PCDHA5: variants seen among roughly 807,000 people sequenced by gnomAD.
The protein encoded by PCDHA5 is protocadherin alpha-5.
PCDHA5 carries 43 observed loss-of-function variants against 61.6 expected under a neutral mutation model. That is an observed-to-expected ratio of 0.70 (90% CI 0.55 to 0.90). The LOEUF is 0.90. Among genes scored for constraint, PCDHA5 ranks in the 40% least tolerant of loss-of-function variants. The pLI, the probability that PCDHA5 is intolerant of heterozygous loss-of-function variation, is 0.00. For missense variants in PCDHA5, 1,298 were observed against 1,222.7 expected, an observed-to-expected ratio of 1.06 and a Z score of -0.92; for synonymous variants, 627 against 543.9, an observed-to-expected ratio of 1.15 and a Z score of -2.13.
rs1413393487 is a variant in PCDHA5, at chr5:140,941,341, G to T, written c.2353-37608G>T. On this transcript the variant is annotated intron_variant, in intron 1 of 3. Coordinates refer to ENST00000529859, the MANE Select transcript of PCDHA5 (RefSeq NM_018908.3). ...TCTCTTTTTTTTTTTTTTTCAGATG[G>T]AGTCTTGCTCTGTTGCCTAGGCTGG... Among the ~76,000 whole-genome samples the T allele has an allele frequency of 2.5e-5, 3 of 119,500 alleles. No homozygotes were observed. The East Asian group carries it at 8.2e-4, about 33-fold the overall frequency. 78.4% of individuals were successfully genotyped at this position (119,500 alleles called of 152,430 possible).
At chr5:140,850,107 C>T (rs2150467518) in intron 1 of PCDHA5, 8 of 1,596,052 alleles carry the variant, frequency 5.0e-6, no homozygotes, top group South Asian at 1.1e-5. Context: ...GGTGAGCGCG[C>T]GCGACGCGGG....
At chr5:140,918,560 G>A (rs1243205653) in intron 1 of PCDHA5, among the ~76,000 whole-genome samples, 1 of 152,180 alleles carries the variant, frequency 6.6e-6, no homozygotes, top group Non-Finnish European at 1.5e-5. Context: ...TGAGAAGAAT[G>A]TATATTATGC....
At chr5:140,972,091 C>G (rs1169233514) in intron 1 of PCDHA5, among the ~76,000 whole-genome samples, 3 of 152,164 alleles carry the variant, frequency 2.0e-5, no homozygotes, top group African/African-American at 4.8e-5. Context: ...AGAGTAATTT[C>G]TGGCATAGAA....
intron 1 of PCDHA5, among the ~76,000 whole-genome samples, chr5:140,840,645 G>A (rs1346934445): frequency 2.6e-5 from 4 of 152,068 alleles, no homozygotes; most frequent in Middle Eastern, 3.4e-3. Context: ...TAGAGAAATA[G>A]TGTAAAGAAT....
At chr5:140,857,501 G>A in intron 1 of PCDHA5, 1 of 1,598,358 alleles carries the variant, frequency 6.3e-7, no homozygotes, top group Non-Finnish European at 8.6e-7. Context: ...GGACGCGCAG[G>A]AGAACGCCCT....
chr5:140,900,127 T>A (rs528737566), intron 1 of PCDHA5, among the ~76,000 whole-genome samples: 2 of 152,328 alleles, frequency 1.3e-5, no homozygotes, highest in East Asian at 3.9e-4. Flanking sequence ...GATTTTTAGG[T>A]ACCACAAATA....
At position 140,825,360 on chromosome 5, in the gene PCDHA5, A is replaced by G. The variant is rs1051458898; in HGVS notation, c.2352+1233A>G. 2.7e-5 allele frequency: 4 copies of G among 147,186 alleles called. No homozygotes were observed. The South Asian group carries it at 6.3e-4, about 23-fold the overall frequency. 9.1% of individuals were successfully genotyped at this position (147,186 alleles called of 1,614,324 possible). A position where few individuals can be genotyped will look rare whatever the true frequency, so the allele number is the denominator to read the frequency against. ...TTTCAATATATCTAATATATATTAG[A>G]TATATAAATATCTAAAATATCTAAT... On this transcript the variant is annotated intron_variant, in intron 1 of 3. Coordinates refer to ENST00000529859, the MANE Select transcript of PCDHA5 (RefSeq NM_018908.3).
intron 1 of PCDHA5, among the ~76,000 whole-genome samples, chr5:140,895,474 C>T (rs947771616): frequency 2.1e-4 from 32 of 152,154 alleles, no homozygotes; most frequent in African/African-American, 7.0e-4. Flanking sequence ...TTATCCTCTT[C>T]GGAGAAATAC....
At chr5:140,921,834 A>G (rs2080429595) in intron 1 of PCDHA5, among the ~76,000 whole-genome samples, 1 of 152,142 alleles carries the variant, frequency 6.6e-6, no homozygotes, top group Non-Finnish European at 1.5e-5. Context: ...ATACACATAT[A>G]GACATATTTA....
chr5:140,972,884 G>A (rs763416041), intron 1 of PCDHA5, among the ~76,000 whole-genome samples: 4 of 151,972 alleles, frequency 2.6e-5, no homozygotes, highest in African/African-American at 7.3e-5. Flanking sequence ...GGATGGTCTC[G>A]ATCTCTTGAC....
At chr5:140,831,243 T>A (rs916636850) in intron 1 of PCDHA5, 1 of 152,224 alleles carries the variant, frequency 6.6e-6, no homozygotes, top group Admixed American at 6.6e-5. Context: ...GCATTGCGGC[T>A]CTCTTATTTC....
At chr5:140,883,130 G>C in intron 1 of PCDHA5, 1 of 1,614,062 alleles carries the variant, frequency 6.2e-7, no homozygotes, top group Non-Finnish European at 8.5e-7. Flanking sequence ...TGTATGGCCT[G>C]CAGTGGTATA....
chr5:140,869,652 A>C (rs2051311295), intron 1 of PCDHA5: 4 of 1,613,458 alleles, frequency 2.5e-6, no homozygotes, highest in South Asian at 2.2e-5. Context: ...TAGATTCACC[A>C]ACAAATGGTA....
intron 1 of PCDHA5, among the ~76,000 whole-genome samples, chr5:140,903,535 G>A (rs1311718035): frequency 3.3e-5 from 5 of 152,178 alleles, no homozygotes; most frequent in African/African-American, 1.2e-4. Flanking sequence ...CTTTAAACTA[G>A]AGCAAGAAAC....
intron 1 of PCDHA5, among the ~76,000 whole-genome samples, chr5:140,846,538 C>A (rs553937365): frequency 1.3e-5 from 2 of 148,384 alleles, no homozygotes; most frequent in African/African-American, 4.9e-5. Context: ...CCATGCCCTG[C>A]TAATTTTTTG....
intron 1 of PCDHA5, among the ~76,000 whole-genome samples, chr5:140,878,613 C>T (rs1413546987): frequency 1.3e-5 from 2 of 152,184 alleles, no homozygotes; most frequent in Admixed American, 6.5e-5. Context: ...TTCTAATGTG[C>T]ATTTTACATA....
At chr5:140,897,682 A>G (rs1397590916) in intron 1 of PCDHA5, among the ~76,000 whole-genome samples, 3 of 152,186 alleles carry the variant, frequency 2.0e-5, no homozygotes, top group Non-Finnish European at 4.4e-5. Flanking sequence ...AGCATGATTT[A>G]TAGTCCTTTG....
intron 3 of PCDHA5, among the ~76,000 whole-genome samples, chr5:141,009,257 C>G (rs1375950001): frequency 6.6e-6 from 1 of 152,136 alleles, no homozygotes; most frequent in Non-Finnish European, 1.5e-5. Flanking sequence ...GTGTTTGAGA[C>G]CAGCCTGGGC....
Position 140,823,386 on chromosome 5 carries a change from C to T in PCDHA5, c.1611C>T (p.Arg537=). Residue 537 remains arginine (R), a synonymous_variant, in exon 1 of 4, where the codon CGC becomes CGT. Transcript: ENST00000529859. ...TGCTGCAGTTCCAGGTGAGCGCGCG[C>T]GACGCGGGCGTGCCGCCTCTGGGCA... The part of the protein sequence containing the change: ...VELLQFQVSA[R]DAGVPPLGSN... 1 of 1,612,766 alleles carries T rather than the reference C, an allele frequency of 6.2e-7. No individual in the cohort carries two copies. Among genetic ancestry groups the T allele is most frequent in the Non-Finnish European group, 8.5e-7 (1 of 1,179,778 alleles).
Sources: gnomAD v4.1 joint callset for allele counts (sites outside exome capture counted in the v4.1 genomes callset) on GRCh38, gnomAD v4.1.1 for gene constraint, MANE v1.5 for transcripts, NCBI Gene and HGNC (gene_info 2026-07-23, HGNC 2026-07-21) for gene names.